RARB: variants seen among roughly 807,000 people sequenced by gnomAD.
RARB encodes the protein HBV-activated protein.
RARB carries 17 observed loss-of-function variants against 51.9 expected under a neutral mutation model. The ratio of observed to expected loss-of-function variants is 0.33; its 90% CI spans 0.22 to 0.49. The LOEUF (loss-of-function observed/expected upper bound fraction) is 0.49, where lower values mean the gene tolerates loss of function less well. Ranked by LOEUF, RARB falls within the 20% of genes least tolerant of loss-of-function variation. RARB has a pLI of 0.99. For synonymous variants in RARB, 215 were observed against 195.4 expected (o/e 1.10, Z -0.84); for missense variants, 369 against 550.8 (o/e 0.67, Z 3.30).
At chr3:25,030,760 G>T (rs954919014) in intron 2 of RARB, among the ~76,000 whole-genome samples, 1 of 152,150 alleles carries the variant, frequency 6.6e-6, no homozygotes, top group Non-Finnish European at 1.5e-5. Flanking sequence ...TCATGTTCGG[G>T]TGCTCTCTTG....
chr3:25,169,699 A>G (rs1300517756), intron 4 of RARB, among the ~76,000 whole-genome samples: 2 of 152,126 alleles, frequency 1.3e-5, no homozygotes, highest in Admixed American at 1.3e-4. Context: ...TAGATAAAAA[A>G]AATTTTGGCT....
intron 2 of RARB, among the ~76,000 whole-genome samples, chr3:24,938,219 T>G (rs1695585893): frequency 6.6e-6 from 1 of 152,120 alleles, no homozygotes; most frequent in African/African-American, 2.4e-5. Context: ...AATTGACACT[T>G]TTATATGTCA....
chr3:24,906,844 C>CAAAAAAA (rs397875286), intron 2 of RARB, among the ~76,000 whole-genome samples: 14 of 75,984 alleles, frequency 1.8e-4, no homozygotes, highest in African/African-American at 6.0e-4. Context: ...GATTCCGTCT[C>CAAAAAAA]AAAAAAAAAA....
chr3:25,496,730 G>T (rs1697052788), intron 2 of RARB, among the ~76,000 whole-genome samples: 1 of 152,230 alleles, frequency 6.6e-6, no homozygotes, highest in Admixed American at 6.5e-5. Flanking sequence ...ATCCATGTAT[G>T]CTTAGATCAG....
chr3:25,473,244 C>T (rs1490862150), intron 2 of RARB, among the ~76,000 whole-genome samples: 1 of 151,554 alleles, frequency 6.6e-6, no homozygotes, highest in Non-Finnish European at 1.5e-5. Context: ...TTAAATGTGT[C>T]ATATGGATAA....
chr3:25,467,325 GTCT>G (rs1325926250), intron 2 of RARB, among the ~76,000 whole-genome samples: 1 of 152,198 alleles, frequency 6.6e-6, no homozygotes, highest in Non-Finnish European at 1.5e-5. Context: ...TTCTGGATAG[GTCT>G]TCTTGTCTTG....
intron 2 of RARB, among the ~76,000 whole-genome samples, chr3:24,904,905 C>T (rs1266292069): frequency 6.6e-6 from 1 of 152,144 alleles, no homozygotes; most frequent in Non-Finnish European, 1.5e-5. Flanking sequence ...AGCAAACTAA[C>T]ACAGGAACAA....
intron 5 of RARB, among the ~76,000 whole-genome samples, chr3:25,331,881 A>G (rs1186653774): frequency 1.3e-5 from 2 of 152,250 alleles, no homozygotes; most frequent in African/African-American, 2.4e-5. Flanking sequence ...CTACCATCAG[A>G]GAATACTATT....
chr3:25,541,221 A>G (rs1699366941), intron 3 of RARB, among the ~76,000 whole-genome samples: 1 of 152,206 alleles, frequency 6.6e-6, no homozygotes, highest in African/African-American at 2.4e-5. Context: ...CCATTGATTT[A>G]GCCACTCTAG....
intron 2 of RARB, among the ~76,000 whole-genome samples, chr3:25,028,294 G>A (rs1028933298): frequency 3.9e-5 from 6 of 152,188 alleles, no homozygotes; most frequent in African/African-American, 1.4e-4. Flanking sequence ...TGATGCAGGT[G>A]GTCTGACCAG....
chr3:25,060,694 G>A (rs759618611), intron 3 of RARB, among the ~76,000 whole-genome samples: 11 of 151,852 alleles, frequency 7.2e-5, no homozygotes, highest in Admixed American at 5.3e-4. Flanking sequence ...AGCTGAAGGG[G>A]AAACATAAAG....
rs539164631 is a variant in RARB, at chr3:25,149,895, CA to C, written c.-280+17688del. ...TTACCCATATGCATAAGCAGCAGAA[CA>C]TTTTTTTTTAATCTTAAATATCTGG... is the stretch of plus-strand genomic sequence containing the variant. On this transcript the variant is annotated intron_variant, in intron 4 of 11. Transcript: ENST00000383772. Among the ~76,000 whole-genome samples, 211 of 150,722 alleles carry C rather than the reference CA, an allele frequency of 1.4e-3. 1 individual carries two copies. The highest frequency in any genetic ancestry group is 5.1e-3 in the African/African-American group (203 of 40,158).
chr3:25,188,536 G>A (rs567851076), intron 5 of RARB, among the ~76,000 whole-genome samples: 1 of 152,224 alleles, frequency 6.6e-6, no homozygotes, highest in Middle Eastern at 3.4e-3. Flanking sequence ...TCGTGCAGTG[G>A]TAAAATTTCC....
intron 2 of RARB, among the ~76,000 whole-genome samples, chr3:25,018,437 A>G (rs1697561191): frequency 6.6e-6 from 1 of 152,176 alleles, no homozygotes; most frequent in Non-Finnish European, 1.5e-5. Context: ...AAGGTAAATT[A>G]GGATTATTTT....
intron 3 of RARB, among the ~76,000 whole-genome samples, chr3:25,069,395 C>A (rs569620103): frequency 2.0e-5 from 3 of 152,276 alleles, no homozygotes; most frequent in African/African-American, 7.2e-5. Context: ...TCTCTAAGGG[C>A]TTTCCCAGAC....
chr3:25,060,885 A>T (rs1698535947), intron 3 of RARB, among the ~76,000 whole-genome samples: 1 of 151,932 alleles, frequency 6.6e-6, no homozygotes, highest in African/African-American at 2.4e-5. Flanking sequence ...AGTAGGTAAG[A>T]AAAGACTTTT....
chr3:24,865,345 T>C (rs752987063), intron 2 of RARB, among the ~76,000 whole-genome samples: 1 of 152,144 alleles, frequency 6.6e-6, no homozygotes. Flanking sequence ...AATGGATGCT[T>C]GCAGTTTGAC....
chr3:25,136,502 A>G (rs994564931), intron 4 of RARB, among the ~76,000 whole-genome samples: 3 of 152,026 alleles, frequency 2.0e-5, no homozygotes, highest in African/African-American at 7.2e-5. Flanking sequence ...ACAGCATGCT[A>G]GAGTGTTTTG....
intron 3 of RARB, among the ~76,000 whole-genome samples, chr3:25,564,094 A>G (rs767103064): frequency 1.6e-4 from 24 of 152,200 alleles, no homozygotes; most frequent in Non-Finnish European, 2.9e-4. Context: ...AGATACATGC[A>G]CAAGTGCACA....
Sources: allele counts gnomAD v4.1 joint callset (sites outside exome capture counted in the v4.1 genomes callset), GRCh38; gene constraint gnomAD v4.1.1; transcripts MANE v1.5; gene names NCBI Gene and HGNC (gene_info 2026-07-23, HGNC 2026-07-21).